The following NTN1 variants were observed in gnomAD, a reference collection of about 807,000 sequenced individuals.
NTN1 encodes netrin-1.
In NTN1, 11 loss-of-function variants were observed where a neutral mutation model predicts 54.2. The ratio of observed to expected loss-of-function variants is 0.20; its 90% CI spans 0.13 to 0.34. NTN1 has a LOEUF of 0.34. NTN1 is among the 10% of genes least tolerant of loss of function. The pLI, the probability that NTN1 is intolerant of heterozygous loss-of-function variation, is 1.00. For missense variants in NTN1, 740 were observed against 893.1 expected, an observed-to-expected ratio of 0.83 and a Z score of 2.18; for synonymous variants, 371 against 382.0, an observed-to-expected ratio of 0.97 and a Z score of 0.33.
intron 2 of NTN1, among the ~76,000 whole-genome samples, chr17:9,126,011 G>A (rs1597497006): frequency 6.6e-6 from 1 of 152,376 alleles, no homozygotes; most frequent in East Asian, 1.9e-4. Flanking sequence ...TAGCTGACAA[G>A]GGGCAGGGCC....
Position 9,043,180 on chromosome 17 carries a change from A to G in NTN1, c.1018+19789A>G, listed in dbSNP as rs889900553. ...TTTTTTAATGTTCATATATGGCTAT[A>G]TCACCTTTCTAATTGCTAATAGCAA... On this transcript the variant is annotated intron_variant, in intron 2 of 6. Coordinates refer to ENST00000173229, the MANE Select transcript of NTN1 (RefSeq NM_004822.3). Among the ~76,000 whole-genome samples the G allele has an allele frequency of 2.6e-5, 4 of 152,164 alleles. No individual in the cohort carries two copies. In the East Asian group the frequency reaches 7.7e-4, roughly 29 times the overall value.
intron 2 of NTN1, among the ~76,000 whole-genome samples, chr17:9,098,371 G>A (rs1394675595): frequency 2.0e-5 from 3 of 152,224 alleles, no homozygotes; most frequent in Admixed American, 1.3e-4. Context: ...TCTGGAGAGC[G>A]CTGTTCACAG....
chr17:9,169,025 C>T (rs893644119), intron 3 of NTN1, among the ~76,000 whole-genome samples: 1 of 152,208 alleles, frequency 6.6e-6, no homozygotes, highest in Non-Finnish European at 1.5e-5. Context: ...AGAGAATTCC[C>T]AGTGGAAGAG....
intron 3 of NTN1, 77 bp from the exon 4 acceptor site, chr17:9,179,730 C>T: frequency 6.5e-7 from 1 of 1,534,014 alleles, no homozygotes; most frequent in African/African-American, 1.4e-5. Context: ...GGAGGCAGCC[C>T]TGGGTAGGGA....
chr17:9,149,276 C>A (rs1239640438), intron 2 of NTN1, among the ~76,000 whole-genome samples: 1 of 150,062 alleles, frequency 6.7e-6, no homozygotes, highest in Non-Finnish European at 1.5e-5. Context: ...CCCACACACA[C>A]CCTGCTGCCA....
At chr17:9,098,933 A>T (rs2142240264) in intron 2 of NTN1, among the ~76,000 whole-genome samples, 1 of 152,376 alleles carries the variant, frequency 6.6e-6, no homozygotes, top group African/African-American at 2.4e-5. Context: ...TCTAGGGAAC[A>T]CACTGGTAAC....
At chr17:9,201,290 C>T (rs1904779027) in intron 5 of NTN1, among the ~76,000 whole-genome samples, 1 of 152,180 alleles carries the variant, frequency 6.6e-6, no homozygotes, top group African/African-American at 2.4e-5. Flanking sequence ...AATCTCTGTG[C>T]TCTCCTCCTG....
chr17:9,050,760 T>C (rs551315406), intron 2 of NTN1, among the ~76,000 whole-genome samples: 6 of 151,724 alleles, frequency 4.0e-5, no homozygotes, highest in Non-Finnish European at 5.9e-5. Context: ...CGTTTTCATC[T>C]GTGAAACGGG....
chr17:9,218,640 C>T (rs1905262742), intron 5 of NTN1, among the ~76,000 whole-genome samples: 1 of 151,652 alleles, frequency 6.6e-6, no homozygotes, highest in Non-Finnish European at 1.5e-5. Context: ...CCTCCTGCCC[C>T]GCCCCCCACC....
At chr17:9,144,911 C>G (rs888484707) in intron 2 of NTN1, among the ~76,000 whole-genome samples, 2 of 152,160 alleles carry the variant, frequency 1.3e-5, no homozygotes, top group Non-Finnish European at 2.9e-5. Context: ...ACCCCAGGAC[C>G]CCCTGGAGAG....
chr17:9,192,452 A>C (rs1274883713), intron 5 of NTN1, among the ~76,000 whole-genome samples: 8 of 152,166 alleles, frequency 5.3e-5, no homozygotes, highest in Non-Finnish European at 1.2e-4. Context: ...CATTTCGCTT[A>C]GTTTCTTTCT....
At chr17:9,183,065 C>T (rs1202014874) in intron 5 of NTN1, 96 bp downstream of exon 5, 20 of 1,253,022 alleles carry the variant, frequency 1.6e-5, no homozygotes, top group African/African-American at 2.9e-5. Flanking sequence ...AGCCCAGACT[C>T]CTCTAACCAC....
At chr17:9,020,959 C>G (rs1337235369), upstream of NTN1, among the ~76,000 whole-genome samples, 3 of 152,132 alleles carry the variant, frequency 2.0e-5, no homozygotes, top group Non-Finnish European at 2.9e-5. Context: ...AAATGGAGAG[C>G]AGGCAGAGGT....
chr17:9,040,184 C>A (rs957357146), intron 2 of NTN1, among the ~76,000 whole-genome samples: 7 of 152,174 alleles, frequency 4.6e-5, no homozygotes, highest in African/African-American at 1.7e-4. Flanking sequence ...AAATTTTAGC[C>A]ATTCCAATAG....
rs138438273 is a variant in NTN1 at position 9,141,411 on chromosome 17, C to T, written c.1019-21402C>T. Among the ~76,000 whole-genome samples the T allele has an allele frequency of 1.1e-4, 16 of 152,206 alleles. No individual in the cohort carries two copies. In the East Asian group the frequency reaches 1.7e-3, roughly 17 times the overall value. On this transcript the variant is annotated intron_variant, in intron 2 of 6. Transcript: ENST00000173229. ...GCTGTGGAAGAGATGCGGTGAACTCCGTCAAGCCTGCCGAGGGGCCTAGTG... is the reference window on the plus strand; with the variant it reads ...GCTGTGGAAGAGATGCGGTGAACTCTGTCAAGCCTGCCGAGGGGCCTAGTG...
At chr17:9,191,277 A>G (rs1228553982) in intron 5 of NTN1, among the ~76,000 whole-genome samples, 2 of 152,210 alleles carry the variant, frequency 1.3e-5, no homozygotes, top group East Asian at 3.9e-4. Context: ...CCTGACCAAC[A>G]TAGTGAAACC....
At chr17:9,055,089 C>A (rs1425989651) in intron 2 of NTN1, among the ~76,000 whole-genome samples, 1 of 152,162 alleles carries the variant, frequency 6.6e-6, no homozygotes, top group Non-Finnish European at 1.5e-5. Context: ...GGGTTTCAGC[C>A]TCTCTGAGCG....
intron 6 of NTN1, among the ~76,000 whole-genome samples, chr17:9,235,074 T>G (rs751556586): frequency 1.3e-5 from 2 of 150,974 alleles, no homozygotes; most frequent in African/African-American, 2.4e-5. Context: ...GCGATTCTCC[T>G]GCCTCAGCCT....
chr17:9,058,212 A>G (rs769458918), intron 2 of NTN1, among the ~76,000 whole-genome samples: 20 of 152,244 alleles, frequency 1.3e-4, no homozygotes, highest in Admixed American at 2.0e-4. Flanking sequence ...TTTTATTTCA[A>G]TAGCTGTTGG....
Sources: allele counts gnomAD v4.1 joint callset (sites outside exome capture counted in the v4.1 genomes callset), GRCh38; gene constraint gnomAD v4.1.1; transcripts MANE v1.5; gene names NCBI Gene and HGNC (gene_info 2026-07-23, HGNC 2026-07-21).